The following NOS1AP variants were observed in gnomAD, a reference collection of about 807,000 sequenced individuals.
The protein encoded by NOS1AP is nitric oxide synthase 1 adaptor protein, also known as carboxyl-terminal PDZ ligand of neuronal nitric oxide synthase protein.
In NOS1AP, 21 loss-of-function variants were observed where a neutral mutation model predicts 56.2. That is an observed-to-expected ratio of 0.37 (90% CI 0.26 to 0.54). The LOEUF is 0.54. NOS1AP is among the 20% of genes least tolerant of loss of function. NOS1AP has a pLI of 0.84. For missense variants in NOS1AP, 522 were observed against 657.8 expected (o/e 0.79, Z 2.26); for synonymous variants, 270 against 274.6 (o/e 0.98, Z 0.17).
At chr1:162,070,683 G>C (rs1181210581) in intron 1 of NOS1AP, among the ~76,000 whole-genome samples, 1 of 152,126 alleles carries the variant, frequency 6.6e-6, no homozygotes, top group East Asian at 1.9e-4. Context: ...CCCAGGGAGA[G>C]GTGCTTTCAG....
intron 2 of NOS1AP, among the ~76,000 whole-genome samples, chr1:162,270,193 C>G (rs1310969207): frequency 6.6e-6 from 1 of 152,138 alleles, no homozygotes; most frequent in African/African-American, 2.4e-5. Context: ...ACTTTTCTCA[C>G]CCCATGGGAG....
intron 1 of NOS1AP, among the ~76,000 whole-genome samples, chr1:162,106,153 A>C (rs905558928): frequency 1.3e-5 from 2 of 152,126 alleles, no homozygotes; most frequent in Non-Finnish European, 2.9e-5. Context: ...GTGAGTTGCA[A>C]AGATCCATGG....
At chr1:162,247,426 C>T (rs1653699902) in intron 2 of NOS1AP, among the ~76,000 whole-genome samples, 1 of 152,172 alleles carries the variant, frequency 6.6e-6, no homozygotes, top group South Asian at 2.1e-4. Flanking sequence ...TTGTCTGATT[C>T]CCAGAGTTCC....
In NOS1AP at chr1:162,151,765, AGAAG is replaced by A. The variant is rs560951641; in HGVS notation, c.106-2627_106-2624del. Among the ~76,000 whole-genome samples the A allele has an allele frequency of 2.3e-3, 346 of 152,080 alleles. 1 individual carries two copies. The highest frequency in any genetic ancestry group is 3.4e-3 in the Non-Finnish European group (232 of 67,974). ...ATTAGTGATTTTCTTTGCATGAATG[AGAAG>A]GAAGGAAGGAAGAAGAGCAAGTGAG... On this transcript the variant is annotated intron_variant, in intron 1 of 9. Transcript: ENST00000361897.
chr1:162,126,751 T>C (rs370608441), intron 1 of NOS1AP, among the ~76,000 whole-genome samples: 50 of 152,210 alleles, frequency 3.3e-4, no homozygotes, highest in Non-Finnish European at 6.2e-4. Context: ...TGTACACATA[T>C]GTATAACCAT....
rs374712047 is a variant in NOS1AP at position 162,202,616 on chromosome 1, T to C, written c.177+48140T>C. ...GTTTGTGTTTTTATGGTAAATATTATGAATAAATTTTTGCGTGTGTTTCAG... is the reference window on the plus strand; with the variant it reads ...GTTTGTGTTTTTATGGTAAATATTACGAATAAATTTTTGCGTGTGTTTCAG... On this transcript the variant is annotated intron_variant, in intron 2 of 9. Transcript: ENST00000361897. 6.6e-5 allele frequency among the ~76,000 whole-genome samples: 10 copies of C among 152,310 alleles called. No individual in the cohort carries two copies. In the East Asian group the frequency reaches 1.3e-3, roughly 21 times the overall value.
chr1:162,199,595 C>CGTGTGTGTGTGTGTGT (rs58625856), intron 2 of NOS1AP, among the ~76,000 whole-genome samples: 3 of 131,590 alleles, frequency 2.3e-5, no homozygotes, highest in African/African-American at 8.6e-5. Flanking sequence ...GCATGGATTG[C>CGTGTGTGTGTGTGTGT]GTGTGTGTGT....
rs939631233 is a variant in NOS1AP, at chr1:162,119,128, A to G, written c.106-35277A>G. Among the ~76,000 whole-genome samples, 4 of 152,290 alleles carry G rather than the reference A, an allele frequency of 2.6e-5. No individual in the cohort carries two copies. The East Asian group carries it at 7.7e-4, about 29-fold the overall frequency. On this transcript the variant is annotated intron_variant, in intron 1 of 9. Transcript: ENST00000361897. The stretch of plus-strand genomic sequence containing the variant: ...CCCTCATAGAATGTTTTTCTTTTTA[A>G]GAATGATCTAGAAACTGAAATAGTT...
At chr1:162,365,623 T>G in intron 9 of NOS1AP, 54 bp downstream of exon 9, 1 of 1,598,120 alleles carries the variant, frequency 6.3e-7, no homozygotes, top group Non-Finnish European at 8.5e-7. Context: ...CTGGAAAGAG[T>G]GTCACTTTCC....
intron 1 of NOS1AP, among the ~76,000 whole-genome samples, chr1:162,084,205 A>T (rs1691956460): frequency 6.6e-6 from 1 of 152,062 alleles, no homozygotes; most frequent in Admixed American, 6.5e-5. Flanking sequence ...ATTCATGTTG[A>T]GATTTTCTTG....
chr1:162,123,500 T>A (rs947713327), intron 1 of NOS1AP, among the ~76,000 whole-genome samples: 1 of 152,246 alleles, frequency 6.6e-6, no homozygotes, highest in Non-Finnish European at 1.5e-5. Flanking sequence ...GTGTCCTCTT[T>A]CACCCTATAT....
At chr1:162,201,180 T>G (rs1363446710) in intron 2 of NOS1AP, among the ~76,000 whole-genome samples, 2 of 152,194 alleles carry the variant, frequency 1.3e-5, no homozygotes, top group Admixed American at 6.5e-5. Flanking sequence ...GTTCCTGTGT[T>G]TGTTTGCTAA....
chr1:162,361,128 C>T (rs1351602932), intron 8 of NOS1AP, among the ~76,000 whole-genome samples: 1 of 152,194 alleles, frequency 6.6e-6, no homozygotes, highest in African/African-American at 2.4e-5. Context: ...CTCTGTGCCA[C>T]ATCACTGACT....
rs527360501 is a variant in NOS1AP at position 162,255,205 on chromosome 1, T to G, written c.178-32139T>G. On this transcript the variant is annotated intron_variant, in intron 2 of 9. Transcript: ENST00000361897. ...CTCACAGATGACCTTGAGGAACATT[T>G]TATTTTGAGGTGGCTCCTAGAGTTT... 1.7e-4 allele frequency among the ~76,000 whole-genome samples: 26 copies of G among 152,282 alleles called. No individual in the cohort carries two copies. The East Asian group carries it at 5.0e-3, about 29-fold the overall frequency.
At chr1:162,086,465 G>A (rs913325268) in intron 1 of NOS1AP, among the ~76,000 whole-genome samples, 1 of 152,110 alleles carries the variant, frequency 6.6e-6, no homozygotes, top group Admixed American at 6.5e-5. Flanking sequence ...CCTGGCTGGT[G>A]AGATCCTTAA....
At chr1:162,344,570 G>T (rs1251595166) in intron 6 of NOS1AP, among the ~76,000 whole-genome samples, 1 of 152,068 alleles carries the variant, frequency 6.6e-6, no homozygotes, top group East Asian at 1.9e-4. Flanking sequence ...AATTAGCCAG[G>T]CGTGGTGGTA....
At chr1:162,202,708 T>C (rs1468666031) in intron 2 of NOS1AP, among the ~76,000 whole-genome samples, 1 of 152,242 alleles carries the variant, frequency 6.6e-6, no homozygotes, top group East Asian at 1.9e-4. Context: ...CAATTTAAAC[T>C]GTTGAGATAT....
intron 1 of NOS1AP, among the ~76,000 whole-genome samples, chr1:162,109,600 T>A (rs1647639413): frequency 6.6e-6 from 1 of 152,134 alleles, no homozygotes; most frequent in African/African-American, 2.4e-5. Flanking sequence ...TTTGTGTATG[T>A]TTAAGCTTTT....
chr1:162,291,384 T>C (rs950821057), intron 3 of NOS1AP, among the ~76,000 whole-genome samples: 5 of 152,180 alleles, frequency 3.3e-5, no homozygotes, highest in African/African-American at 1.2e-4. Context: ...TGTCATTAAA[T>C]TATGAGAAAA....
Sources: allele counts gnomAD v4.1 joint callset (sites outside exome capture counted in the v4.1 genomes callset), GRCh38; gene constraint gnomAD v4.1.1; transcripts MANE v1.5; gene names NCBI Gene and HGNC (gene_info 2026-07-23, HGNC 2026-07-21).